Variants in MTMR10 observed in about 807,000 individuals in gnomAD.
MTMR10 encodes myotubularin-related protein 10.
MTMR10 carries 56 observed loss-of-function variants against 88.1 expected under a neutral mutation model. The ratio of observed to expected loss-of-function variants is 0.64; its 90% CI spans 0.51 to 0.79. The LOEUF is 0.79. Among genes scored for constraint, MTMR10 ranks in the 30% least tolerant of loss-of-function variants. The pLI is 0.00. For synonymous variants in MTMR10, 380 were observed against 340.9 expected (o/e 1.11, Z -1.26); for missense variants, 883 against 924.7 (o/e 0.95, Z 0.58).
downstream of MTMR10, among the ~76,000 whole-genome samples, chr15:30,936,387 A>G (rs910908199): frequency 6.8e-6 from 1 of 147,682 alleles, no homozygotes; most frequent in Non-Finnish European, 1.5e-5. Flanking sequence ...GGGGTAGGGA[A>G]GAGACTGGTC....
intron 1 of MTMR10, chr15:30,991,238 T>C: frequency 2.0e-6 from 1 of 504,700 alleles, no homozygotes; most frequent in Non-Finnish European, 3.4e-6. Flanking sequence ...GGGCAGAGAA[T>C]GGCTGCAGAA....
At chr15:30,969,405 C>T (rs1361162986) in intron 5 of MTMR10, among the ~76,000 whole-genome samples, 1 of 152,046 alleles carries the variant, frequency 6.6e-6, no homozygotes, top group Non-Finnish European at 1.5e-5. Context: ...AACAGTTTTC[C>T]TTAAAGCATT....
At chr15:30,990,074 A>G (rs563667287) in intron 2 of MTMR10, among the ~76,000 whole-genome samples, 3 of 152,308 alleles carry the variant, frequency 2.0e-5, no homozygotes, top group African/African-American at 7.2e-5. Flanking sequence ...GGTCACCTAT[A>G]GCAAATTTTG....
At chr15:30,988,936 G>A (rs2031126280) in intron 2 of MTMR10, among the ~76,000 whole-genome samples, 1 of 145,274 alleles carries the variant, frequency 6.9e-6, no homozygotes, top group Non-Finnish European at 1.5e-5. Context: ...GTTGCAGTGA[G>A]CCGAGATCAC....
In MTMR10 at chr15:30,982,070, C is replaced by CA. The variant is rs1182835234; in HGVS notation, c.122-5116dup. Among the ~76,000 whole-genome samples the CA allele has an allele frequency of 5.2e-3, 551 of 106,060 alleles. 2 individuals carry two copies. Among genetic ancestry groups the CA allele is most frequent in the African/African-American group, 0.015 (423 of 28,040 alleles). The allele number at this position is 106,060 out of a possible 152,430, so 69.6% of individuals were successfully genotyped here. On this transcript the variant is annotated intron_variant, in intron 2 of 15. Transcript: ENST00000435680. ...TGGGTGACAGAACAAGACTCCATCT[C>CA]AAAAAAAAAAAGAAAAGAAAAAGAA...
At chr15:30,948,601 T>G in intron 12 of MTMR10, 130 bp from the exon 13 acceptor site, 2 of 854,038 alleles carry the variant, frequency 2.3e-6, no homozygotes, top group Non-Finnish European at 3.5e-6. Flanking sequence ...ATAAGGAAAT[T>G]TTACTGGATT....
the MTMR10 span, among the ~76,000 whole-genome samples, chr15:30,921,999 AC>A: frequency 2.0e-5 from 3 of 152,278 alleles, no homozygotes; most frequent in Non-Finnish European, 4.4e-5. Flanking sequence ...AGATGTCTGT[AC>A]CCCAGTGCCA....
At chr15:30,920,570 C>T in the MTMR10 span, 2 of 1,611,166 alleles carry the variant, frequency 1.2e-6, no homozygotes, top group African/African-American at 2.7e-5. Flanking sequence ...ACCACTCTTC[C>T]TGCGGTGTTT....
the MTMR10 span, chr15:30,930,708 C>CT: frequency 6.2e-7 from 1 of 1,607,294 alleles, no homozygotes; most frequent in South Asian, 1.1e-5. Flanking sequence ...TGTTGGTAAC[C>CT]TTATTAGCAA....
chr15:30,943,526 G>A (rs570373503), intron 14 of MTMR10: 4 of 985,384 alleles, frequency 4.1e-6, no homozygotes, highest in African/African-American at 1.7e-5. Flanking sequence ...AACTTACTTC[G>A]TAAGTGGGGA....
At chr15:30,933,311 T>C in the MTMR10 span, among the ~76,000 whole-genome samples, 12 of 152,220 alleles carry the variant, frequency 7.9e-5, no homozygotes, top group Non-Finnish European at 5.9e-5. Context: ...CTCACAAATT[T>C]AGTAGTTGTT....
the MTMR10 span, among the ~76,000 whole-genome samples, chr15:30,930,912 A>G: frequency 6.6e-6 from 1 of 152,176 alleles, no homozygotes; most frequent in East Asian, 1.9e-4. Flanking sequence ...TGATGTGGAC[A>G]TGATGTTCCA....
chr15:30,949,124 C>T (rs1003646406), intron 12 of MTMR10: 6 of 152,208 alleles, frequency 3.9e-5, no homozygotes, highest in African/African-American at 9.7e-5. Flanking sequence ...AAAACCAACA[C>T]GATTATCTCA....
At chr15:30,932,561 A>C in the MTMR10 span, among the ~76,000 whole-genome samples, 4 of 152,064 alleles carry the variant, frequency 2.6e-5, no homozygotes, top group African/African-American at 9.7e-5. Context: ...GGGGGAGGAA[A>C]ATTTAAAGCT....
At chr15:30,955,517 C>G (rs372690844) in intron 9 of MTMR10, among the ~76,000 whole-genome samples, 27 of 152,138 alleles carry the variant, frequency 1.8e-4, no homozygotes, top group African/African-American at 4.6e-4. Context: ...TGATTCACCC[C>G]CCTTGGCCTC....
chr15:30,988,244 G>A (rs570282464), intron 2 of MTMR10, among the ~76,000 whole-genome samples: 1 of 152,262 alleles, frequency 6.6e-6, no homozygotes, highest in Non-Finnish European at 1.5e-5. Context: ...GGTGCAGGAA[G>A]GCCAGAATGA....
chr15:30,941,358 C>A lies in MTMR10; in HGVS notation c.*112G>T. On this transcript the variant is annotated 3_prime_UTR_variant, in exon 16 of 16. Transcript: ENST00000435680. ...TTTTAAATATTAGTGCAAATTCCAA[C>A]TATTATTCTTACATATAAAGTTATT... The A allele has an allele frequency of 6.5e-7, 1 of 1,536,954 alleles. No individual in the cohort carries two copies. Among genetic ancestry groups the A allele is most frequent in the Non-Finnish European group, 8.7e-7 (1 of 1,144,708 alleles).
chr15:30,942,805 CCTTTA>C, intron 15 of MTMR10, 80 bp downstream of exon 15: 1 of 1,347,982 alleles, frequency 7.4e-7, no homozygotes, highest in Non-Finnish European at 1.0e-6. Flanking sequence ...CTTGGAAGTG[CCTTTA>C]CTTTTAACGC....
rs190638506 is a variant in MTMR10, at chr15:30,959,262, G to T, written c.759-141C>A. 5.6e-5 allele frequency: 40 copies of T among 719,664 alleles called. No individual in the cohort carries two copies. The East Asian group carries it at 1.1e-3, about 20-fold the overall frequency. The allele number at this position is 719,664 out of a possible 1,614,324, so 44.6% of individuals were successfully genotyped here. A position where few individuals can be genotyped will look rare whatever the true frequency, so the allele number is the denominator to read the frequency against. Reference sequence around the variant, plus strand: ...GTAGCCACATGGTGGGCACCATGGGGGGGCAGTGACGATCCTACACCTCTT... The same window carrying T: ...GTAGCCACATGGTGGGCACCATGGGTGGGCAGTGACGATCCTACACCTCTT... On this transcript the variant is annotated intron_variant, in intron 7 of 15. Transcript: ENST00000435680.
Sources: gnomAD v4.1 joint callset for allele counts (sites outside exome capture counted in the v4.1 genomes callset) on GRCh38, gnomAD v4.1.1 for gene constraint, MANE v1.5 for transcripts, NCBI Gene and HGNC (gene_info 2026-07-23, HGNC 2026-07-21) for gene names.